The following CHSY3 variants were observed in gnomAD, a reference collection of about 807,000 sequenced individuals.
CHSY3 encodes chondroitin sulfate synthase 3.
A neutral mutation model predicts 67.2 loss-of-function variants in CHSY3; 35 were observed. The observed-to-expected ratio is 0.52, with a 90% CI of 0.40 to 0.69. The LOEUF (loss-of-function observed/expected upper bound fraction) is 0.69, where lower values mean the gene tolerates loss of function less well. Ranked by LOEUF, CHSY3 falls within the 30% of genes least tolerant of loss-of-function variation. The probability of loss-of-function intolerance (pLI) is 0.00; values close to 1 mark genes in which losing one functional copy is unlikely to be tolerated. For missense variants in CHSY3, 1,069 were observed against 1,138.5 expected (o/e 0.94, Z 0.88); for synonymous variants, 474 against 434.7 (o/e 1.09, Z -1.12).
chr5:130,120,929 G>A (rs771152293), intron 2 of CHSY3, among the ~76,000 whole-genome samples: 2 of 152,146 alleles, frequency 1.3e-5, no homozygotes, highest in Non-Finnish European at 2.9e-5. Flanking sequence ...CCTTGAAGAA[G>A]AGACTCCTTT....
chr5:130,016,668 C>T (rs1228310429), intron 2 of CHSY3, among the ~76,000 whole-genome samples: 2 of 152,156 alleles, frequency 1.3e-5, no homozygotes, highest in African/African-American at 2.4e-5. Context: ...CTTGGCCTCC[C>T]GAAGTGCTGG....
chr5:130,132,864 A>G lies in CHSY3; in HGVS notation c.1087-51365A>G, dbSNP rs541518821. On this transcript the variant is annotated intron_variant, in intron 2 of 2. Transcript: ENST00000305031. The stretch of plus-strand genomic sequence containing the variant: ...CACAACAAATAATTTTCCACCCCAA[A>G]CATCAATAGTACCAATGTTGAGAAA... Among the ~76,000 whole-genome samples, 11 of 152,252 alleles carry G rather than the reference A, an allele frequency of 7.2e-5. No homozygotes were observed. The East Asian group carries it at 1.7e-3, about 24-fold the overall frequency.
In CHSY3 at chr5:130,131,832, A is replaced by G. The variant is rs139859901; in HGVS notation, c.1087-52397A>G. 3.0e-3 allele frequency among the ~76,000 whole-genome samples: 458 copies of G among 152,284 alleles called. 1 individual carries two copies. The highest frequency in any genetic ancestry group is 0.011 in the African/African-American group (438 of 41,560). On this transcript the variant is annotated intron_variant, in intron 2 of 2. Transcript: ENST00000305031. Reference sequence around the variant, plus strand: ...ACTACTGTGCCCCAGAGCCTGGAACAATGTGTGTATGTGAGAAGCAAACTC... The same window carrying G: ...ACTACTGTGCCCCAGAGCCTGGAACGATGTGTGTATGTGAGAAGCAAACTC...
chr5:130,079,229 G>A (rs115471996), intron 2 of CHSY3, among the ~76,000 whole-genome samples: 2,372 of 152,076 alleles, frequency 0.016, 73 homozygotes, highest in African/African-American at 0.055. Flanking sequence ...TCAAAGCTGA[G>A]GTCAGAGCTT....
At chr5:129,987,264 A>T (rs1329861363) in intron 2 of CHSY3, among the ~76,000 whole-genome samples, 1 of 152,168 alleles carries the variant, frequency 6.6e-6, no homozygotes. Context: ...GAGAAGATTA[A>T]ATGTTATGTT....
At chr5:130,050,705 G>A (rs1765316021) in intron 2 of CHSY3, among the ~76,000 whole-genome samples, 1 of 151,994 alleles carries the variant, frequency 6.6e-6, no homozygotes, top group Admixed American at 6.6e-5. Flanking sequence ...AGCCATCAAG[G>A]AAATGAGAAT....
At chr5:129,978,741 TCA>T (rs1762883484) in intron 2 of CHSY3, among the ~76,000 whole-genome samples, 1 of 152,132 alleles carries the variant, frequency 6.6e-6, no homozygotes, top group African/African-American at 2.4e-5. Context: ...ATATATTATC[TCA>T]GTTTATCTAA....
intron 2 of CHSY3, among the ~76,000 whole-genome samples, chr5:129,929,195 ATT>A (rs1175426528): frequency 2.0e-5 from 3 of 152,206 alleles, no homozygotes; most frequent in Admixed American, 1.3e-4. Context: ...CCATTTTAGC[ATT>A]CTCTCTACTA....
rs371228605 is a variant in CHSY3 at position 130,162,040 on chromosome 5, C to CA, written c.1087-22169dup. 2.5e-3 allele frequency among the ~76,000 whole-genome samples: 162 copies of CA among 65,062 alleles called. 1 individual carries two copies. Among genetic ancestry groups the CA allele is most frequent in the Non-Finnish European group, 4.8e-3 (135 of 27,882 alleles). 42.7% of individuals were successfully genotyped at this position (65,062 alleles called of 152,430 possible). A position where few individuals can be genotyped will look rare whatever the true frequency, so the allele number is the denominator to read the frequency against. ...GGGCAACCAGAGTGAGACCCTGTCTCAAAAAAAAAAAAAAAAAAAAGAAAG... is the reference window on the plus strand; with the variant it reads ...GGGCAACCAGAGTGAGACCCTGTCTCAAAAAAAAAAAAAAAAAAAAAGAAAG... On this transcript the variant is annotated intron_variant, in intron 2 of 2. Coordinates refer to ENST00000305031, the MANE Select transcript of CHSY3 (RefSeq NM_175856.5).
intron 2 of CHSY3, among the ~76,000 whole-genome samples, chr5:130,130,486 A>T (rs1352233370): frequency 1.3e-5 from 2 of 152,044 alleles, no homozygotes; most frequent in Non-Finnish European, 2.9e-5. Context: ...ATTCCTTTTC[A>T]TCTGCCAGAA....
At chr5:130,128,554 C>A (rs914020185) in intron 2 of CHSY3, among the ~76,000 whole-genome samples, 2 of 152,056 alleles carry the variant, frequency 1.3e-5, no homozygotes, top group Non-Finnish European at 1.5e-5. Context: ...ACAACATAAA[C>A]TTTATTATGC....
chr5:130,090,383 C>G (rs902848162), intron 2 of CHSY3, among the ~76,000 whole-genome samples: 17 of 152,134 alleles, frequency 1.1e-4, no homozygotes, highest in Non-Finnish European at 2.5e-4. Context: ...CTCCCTACAA[C>G]TTAAGTCTCC....
intron 2 of CHSY3, among the ~76,000 whole-genome samples, chr5:130,071,604 T>C (rs1381464384): frequency 5.3e-5 from 8 of 151,744 alleles, no homozygotes; most frequent in Non-Finnish European, 1.0e-4. Context: ...TCTCTTTATC[T>C]ATTTACCCCT....
At position 130,026,132 on chromosome 5, in the gene CHSY3, A is replaced by G. The variant is rs532543204; in HGVS notation, c.1086+117772A>G. ...TTACCAAGGAGAGTTACTTGTTTGT[A>G]TATATTTTTTCTGATATTTCTGATC... On this transcript the variant is annotated intron_variant, in intron 2 of 2. Coordinates refer to ENST00000305031, the MANE Select transcript of CHSY3 (RefSeq NM_175856.5). Among the ~76,000 whole-genome samples the G allele has an allele frequency of 3.3e-5, 5 of 152,196 alleles. No individual in the cohort carries two copies. The East Asian group carries it at 9.7e-4, about 29-fold the overall frequency.
intron 2 of CHSY3, among the ~76,000 whole-genome samples, chr5:130,113,491 T>C (rs1013301840): frequency 6.6e-6 from 1 of 152,170 alleles, no homozygotes; most frequent in South Asian, 2.1e-4. Flanking sequence ...ATTCAAAAAT[T>C]GTGTTTGTGT....
rs1423086581 is a variant in CHSY3 at position 129,905,621 on chromosome 5, C to G, written c.792C>G (p.Val264=). The part of the protein sequence containing the change: ...YEWFMRADDD[V]YIKGDKLEEF... ...GGTTCATGCGCGCCGACGACGATGT[C>G]TACATCAAAGGTGACCTCCCTGCGC... The change falls in exon 1 of 3, where the codon GTC becomes GTG. Residue 264 remains valine (V), a synonymous_variant. Coordinates refer to ENST00000305031, the MANE Select transcript of CHSY3 (RefSeq NM_175856.5). 6.2e-7 allele frequency: 1 copy of G among 1,613,530 alleles called. No homozygotes were observed. Among genetic ancestry groups the G allele is most frequent in the Non-Finnish European group, 8.5e-7 (1 of 1,179,934 alleles).
chr5:129,998,117 C>G (rs1044642317), intron 2 of CHSY3, among the ~76,000 whole-genome samples: 6 of 152,120 alleles, frequency 3.9e-5, no homozygotes, highest in Admixed American at 1.3e-4. Context: ...CTAATTTACA[C>G]TCCCACCAAC....
intron 2 of CHSY3, among the ~76,000 whole-genome samples, chr5:129,927,339 T>C (rs1561458460): frequency 6.6e-6 from 1 of 151,806 alleles, no homozygotes; most frequent in Non-Finnish European, 1.5e-5. Flanking sequence ...ACATTTTTCT[T>C]AAAAAAAACT....
chr5:130,085,007 C>T (rs571059112), intron 2 of CHSY3, among the ~76,000 whole-genome samples: 13 of 152,022 alleles, frequency 8.6e-5, no homozygotes, highest in South Asian at 4.1e-4. Flanking sequence ...TTCATGTTAA[C>T]GCTGGTCAGC....
Sources: allele counts gnomAD v4.1 joint callset (sites outside exome capture counted in the v4.1 genomes callset), GRCh38; gene constraint gnomAD v4.1.1; transcripts MANE v1.5; gene names NCBI Gene and HGNC (gene_info 2026-07-23, HGNC 2026-07-21).